Variants in URI1 observed in about 807,000 individuals in gnomAD.
URI1 encodes unconventional prefoldin RPB5 interactor 1.
In URI1, 39 loss-of-function variants were observed where a neutral mutation model predicts 60.2. The ratio of observed to expected loss-of-function variants is 0.65; its 90% CI spans 0.50 to 0.85. The LOEUF is 0.85. Among genes scored for constraint, URI1 ranks in the 40% least tolerant of loss-of-function variants. The pLI is 0.00. For synonymous variants in URI1, 251 were observed against 236.8 expected (o/e 1.06, Z -0.55); for missense variants, 691 against 665.9 (o/e 1.04, Z -0.42).
At chr19:30,004,909 G>C (rs2055921430) in intron 4 of URI1, among the ~76,000 whole-genome samples, 1 of 151,932 alleles carries the variant, frequency 6.6e-6, no homozygotes, top group Non-Finnish European at 1.5e-5. Context: ...AAAATGTGTT[G>C]TATTTTCAGT....
At chr19:29,979,726 A>G (rs1300638164) in intron 2 of URI1, among the ~76,000 whole-genome samples, 2 of 151,916 alleles carry the variant, frequency 1.3e-5, no homozygotes, top group African/African-American at 4.9e-5. Context: ...TAAAATATAA[A>G]GAACATAGAT....
chr19:29,974,253 A>T (rs371886947), intron 2 of URI1, among the ~76,000 whole-genome samples: 83 of 152,248 alleles, frequency 5.5e-4, no homozygotes, highest in African/African-American at 1.9e-3. Flanking sequence ...CTCAATAAGT[A>T]TTAATAGGAA....
Position 29,942,325 on chromosome 19 carries a change from G to T in URI1, c.-223G>T. Reference sequence around the variant, plus strand: ...GTACCTGGCAGGCGGCCTGCTACTCGGAGCCCGCTGCGGGGCGGCGGCGGC... The same window carrying T: ...GTACCTGGCAGGCGGCCTGCTACTCTGAGCCCGCTGCGGGGCGGCGGCGGC... On this transcript the variant is annotated 5_prime_UTR_variant, in exon 1 of 11. Transcript: ENST00000392271. 1 of 985,186 alleles carries T rather than the reference G, an allele frequency of 1.0e-6. No individual in the cohort carries two copies. The highest frequency in any genetic ancestry group is 1.2e-6 in the Non-Finnish European group (1 of 829,712). 61.0% of individuals were successfully genotyped at this position (985,186 alleles called of 1,614,324 possible). A position where few individuals can be genotyped will look rare whatever the true frequency, so the allele number is the denominator to read the frequency against.
chr19:29,942,577 C>T lies in URI1; in HGVS notation c.30C>T (p.Pro10=), dbSNP rs770271018. The change falls in exon 1 of 11, where the codon CCC becomes CCT. Residue 10 remains proline (P), a synonymous_variant. Coordinates refer to ENST00000392271, the MANE Select transcript of URI1 (RefSeq NM_003796.3). MEAPTVETP[P]DPSPPSAPAP... ...AGGCGCCCACCGTGGAGACGCCCCCCGACCCCTCGCCCCCTTCGGCCCCGG... is the reference window on the plus strand; with the variant it reads ...AGGCGCCCACCGTGGAGACGCCCCCTGACCCCTCGCCCCCTTCGGCCCCGG... 5 of 1,425,868 alleles carry T rather than the reference C, an allele frequency of 3.5e-6. No homozygotes were observed. The highest frequency in any genetic ancestry group is 4.6e-6 in the Non-Finnish European group (5 of 1,092,310). 88.3% of individuals were successfully genotyped at this position (1,425,868 alleles called of 1,614,324 possible).
At chr19:29,992,214 C>T (rs1024265922) in intron 4 of URI1, among the ~76,000 whole-genome samples, 3 of 152,200 alleles carry the variant, frequency 2.0e-5, no homozygotes, top group Non-Finnish European at 4.4e-5. Flanking sequence ...GGATTACAGG[C>T]GAGTGCCACC....
At chr19:29,968,565 C>CTTTTTTTTTTTTTTTTTTTTTTTTTTTT (rs35475321) in intron 1 of URI1, among the ~76,000 whole-genome samples, 2 of 74,428 alleles carry the variant, frequency 2.7e-5, no homozygotes, top group African/African-American at 5.1e-5. Context: ...CTAATTTTTT[C>CTTTTTTTTTTTTTTTTTTTTTTTTTTTT]TTTTTTTTTT....
At chr19:29,931,130 A>G (rs530700579) in intron 1 of URI1, among the ~76,000 whole-genome samples, 1 of 152,214 alleles carries the variant, frequency 6.6e-6, no homozygotes, top group Non-Finnish European at 1.5e-5. Context: ...TTCCATACAA[A>G]TTTTAGGACC....
At chr19:30,003,627 T>A (rs929585952) in intron 4 of URI1, among the ~76,000 whole-genome samples, 12 of 152,208 alleles carry the variant, frequency 7.9e-5, no homozygotes, top group African/African-American at 2.9e-4. Flanking sequence ...TGAGTTATGA[T>A]GAATTTTTTT....
intron 4 of URI1, among the ~76,000 whole-genome samples, chr19:29,992,671 T>C (rs2055761645): frequency 6.6e-6 from 1 of 152,252 alleles, no homozygotes; most frequent in Non-Finnish European, 1.5e-5. Flanking sequence ...CTCTAAATAC[T>C]TGCTTTGAGA....
intron 6 of URI1, among the ~76,000 whole-genome samples, chr19:30,005,962 T>C (rs1042809164): frequency 6.6e-6 from 1 of 152,122 alleles, no homozygotes; most frequent in Non-Finnish European, 1.5e-5. Flanking sequence ...AGTTCTCCAG[T>C]GCTCCAAACC....
intron 1 of URI1, among the ~76,000 whole-genome samples, chr19:29,943,112 A>G (rs962487985): frequency 2.0e-5 from 3 of 151,716 alleles, no homozygotes; most frequent in African/African-American, 7.3e-5. Flanking sequence ...ATATAATGCC[A>G]TTTAAACATT....
chr19:29,962,402 CT>C (rs11331580), intron 1 of URI1, among the ~76,000 whole-genome samples: 110,411 of 123,450 alleles, frequency 0.89, 49,404 homozygotes, highest in East Asian at 0.96. Context: ...TTTATAGTAT[CT>C]TTTTTTTTTT....
intron 8 of URI1, among the ~76,000 whole-genome samples, chr19:30,009,926 C>G (rs2055996794): frequency 6.6e-6 from 1 of 152,086 alleles, no homozygotes. Flanking sequence ...AAGCTTTTCT[C>G]TAGTATGAAA....
intron 9 of URI1, among the ~76,000 whole-genome samples, chr19:30,011,622 TTTTTTTTTTTTCC>T (rs967182816): frequency 6.6e-6 from 1 of 151,686 alleles, no homozygotes; most frequent in Non-Finnish European, 1.5e-5. Flanking sequence ...GTTGCAGGTT[TTTTTTTTTTTTCC>T]TTTTTTTTGG....
Position 29,942,260 on chromosome 19 carries a change from A to G in URI1, c.-288A>G. On this transcript the variant is annotated 5_prime_UTR_variant, in exon 1 of 11. Transcript: ENST00000392271. ...GGGCGTGTGGGGAGGCGCGGCCGCCACGCGACGCCTGGCTGGGCCCGCACC... is the reference window on the plus strand; with the variant it reads ...GGGCGTGTGGGGAGGCGCGGCCGCCGCGCGACGCCTGGCTGGGCCCGCACC... The G allele has an allele frequency of 6.1e-6, 6 of 984,368 alleles. No homozygotes were observed. The South Asian group carries it at 2.3e-4, about 38-fold the overall frequency. 61.0% of individuals were successfully genotyped at this position (984,368 alleles called of 1,614,324 possible).
At position 29,951,391 on chromosome 19, in the gene URI1, G is replaced by A. The variant is rs2055177787; in HGVS notation, c.117+8727G>A. Among the ~76,000 whole-genome samples the A allele has an allele frequency of 2.0e-5, 3 of 151,816 alleles. No individual in the cohort carries two copies. The South Asian group carries it at 6.2e-4, about 32-fold the overall frequency. Reference sequence around the variant, plus strand: ...ATGTATTTATTAGTTTATGTTTTTCGAGCAACAAGAACTCTAGCACCCCCC... The same window carrying A: ...ATGTATTTATTAGTTTATGTTTTTCAAGCAACAAGAACTCTAGCACCCCCC... On this transcript the variant is annotated intron_variant, in intron 1 of 10. Coordinates refer to ENST00000392271, the MANE Select transcript of URI1 (RefSeq NM_003796.3).
intron 4 of URI1, among the ~76,000 whole-genome samples, chr19:29,999,299 T>C (rs1367632694): frequency 2.0e-5 from 3 of 152,282 alleles, no homozygotes; most frequent in African/African-American, 7.2e-5. Flanking sequence ...TTTGAGTTAC[T>C]GTCTTTTCAT....
chr19:29,961,361 C>G (rs1394278515), intron 1 of URI1, among the ~76,000 whole-genome samples: 1 of 148,722 alleles, frequency 6.7e-6, no homozygotes, highest in Non-Finnish European at 1.5e-5. Context: ...TACTTTTTGT[C>G]TCTATGAATT....
At chr19:29,933,164 CT>C (rs2054937313) in intron 1 of URI1, among the ~76,000 whole-genome samples, 1 of 152,196 alleles carries the variant, frequency 6.6e-6, no homozygotes, top group East Asian at 1.9e-4. Flanking sequence ...GTTCTTTCCT[CT>C]TCAATCTTTA....
Sources: allele counts gnomAD v4.1 joint callset (sites outside exome capture counted in the v4.1 genomes callset), GRCh38; gene constraint gnomAD v4.1.1; transcripts MANE v1.5; gene names NCBI Gene and HGNC (gene_info 2026-07-23, HGNC 2026-07-21).